Variants in MOB3B observed in about 807,000 individuals in gnomAD.
MOB3B encodes the protein MOB kinase activator 3B.
In MOB3B, 7 loss-of-function variants were observed where a neutral mutation model predicts 18.7. The observed-to-expected ratio is 0.37, with a 90% CI of 0.21 to 0.70. The LOEUF (loss-of-function observed/expected upper bound fraction) is 0.70, where lower values mean the gene tolerates loss of function less well. MOB3B is among the 30% of genes least tolerant of loss of function. MOB3B has a pLI of 0.52. For missense variants in MOB3B, 253 were observed against 281.3 expected (o/e 0.90, Z 0.72); for synonymous variants, 111 against 99.9 (o/e 1.11, Z -0.66).
chr9:27,358,051 G>T (rs1473145084), intron 3 of MOB3B, among the ~76,000 whole-genome samples: 1 of 152,020 alleles, frequency 6.6e-6, no homozygotes, highest in African/African-American at 2.4e-5. Context: ...GAGACAGAGT[G>T]AGACCCTGTC....
chr9:27,484,997 A>AT (rs1411969051), intron 1 of MOB3B, among the ~76,000 whole-genome samples: 1 of 152,100 alleles, frequency 6.6e-6, no homozygotes, highest in East Asian at 1.9e-4. Flanking sequence ...ACCCCGGAAA[A>AT]TTGGCCTTGC....
intron 2 of MOB3B, among the ~76,000 whole-genome samples, chr9:27,433,226 A>G (rs1404097287): frequency 6.6e-6 from 1 of 151,936 alleles, no homozygotes; most frequent in Non-Finnish European, 1.5e-5. Flanking sequence ...GATTTTTTAT[A>G]TATGTATGTT....
intron 2 of MOB3B, among the ~76,000 whole-genome samples, chr9:27,409,964 G>A (rs1405610259): frequency 6.6e-6 from 1 of 152,094 alleles, no homozygotes; most frequent in African/African-American, 2.4e-5. Flanking sequence ...TGTATGCAGA[G>A]TTTCAGTTTG....
chr9:27,381,026 G>C (rs139245322), intron 2 of MOB3B, among the ~76,000 whole-genome samples: 22 of 152,208 alleles, frequency 1.4e-4, no homozygotes, highest in African/African-American at 5.3e-4. Context: ...GAGCTTTGGA[G>C]GAACTTGTTT....
chr9:27,351,210 G>A (rs556456786), intron 3 of MOB3B, among the ~76,000 whole-genome samples: 59 of 152,260 alleles, frequency 3.9e-4, no homozygotes, highest in African/African-American at 1.2e-3. Flanking sequence ...GCCCACAGTG[G>A]GCTTTAATCC....
chr9:27,441,922 G>C (rs1364475408), intron 2 of MOB3B, among the ~76,000 whole-genome samples: 1 of 152,052 alleles, frequency 6.6e-6, no homozygotes, highest in Admixed American at 6.6e-5. Flanking sequence ...ACTCATGTCA[G>C]CCCTGACATG....
chr9:27,429,444 C>T (rs1232409210), intron 2 of MOB3B, among the ~76,000 whole-genome samples: 2 of 152,154 alleles, frequency 1.3e-5, no homozygotes, highest in Admixed American at 6.5e-5. Flanking sequence ...AGAAAGGGGA[C>T]AAAACCATCC....
At chr9:27,497,264 A>G (rs2453561) in intron 1 of MOB3B, among the ~76,000 whole-genome samples, 139,477 of 152,192 alleles carry the variant, frequency 0.92, 64,872 homozygotes, top group East Asian at 1. Context: ...GAAAAAGCAT[A>G]GATTTCCACA....
chr9:27,387,462 G>A (rs1399473368), intron 2 of MOB3B, among the ~76,000 whole-genome samples: 2 of 152,164 alleles, frequency 1.3e-5, no homozygotes, highest in African/African-American at 4.8e-5. Context: ...TCTGTAAAAT[G>A]AGAATCATAA....
chr9:27,481,280 T>C (rs1488122358), intron 1 of MOB3B, among the ~76,000 whole-genome samples: 1 of 152,178 alleles, frequency 6.6e-6, no homozygotes, highest in Non-Finnish European at 1.5e-5. Flanking sequence ...CAGTTAATTA[T>C]AACAAATGTA....
intron 2 of MOB3B, among the ~76,000 whole-genome samples, chr9:27,420,583 ATATATATATATATG>A (rs1822231862): frequency 1.6e-5 from 2 of 121,294 alleles, no homozygotes; most frequent in Admixed American, 8.1e-5. Context: ...ATATATATAT[ATATATATATATATG>A]GAATACTACA....
chr9:27,422,257 A>C (rs907940156), intron 2 of MOB3B, among the ~76,000 whole-genome samples: 2 of 152,194 alleles, frequency 1.3e-5, no homozygotes, highest in Non-Finnish European at 2.9e-5. Flanking sequence ...TTCAGCTTTC[A>C]TTTCCCACTA....
At chr9:27,371,228 T>A (rs1821410942) in intron 2 of MOB3B, among the ~76,000 whole-genome samples, 1 of 152,208 alleles carries the variant, frequency 6.6e-6, no homozygotes, top group Non-Finnish European at 1.5e-5. Context: ...ATGTCATTGA[T>A]CCTCTTTGTA....
rs774061266 is a variant in MOB3B at position 27,359,223 on chromosome 9, T to C, written c.432A>G (p.Pro144=). ...TCTTGCAGATCTGAAGGAAGTTCTTTGGGAAGGGAACACCTAGAGAAGAAA... is the reference window on the plus strand; with the variant it reads ...TCTTGCAGATCTGAAGGAAGTTCTTCGGGAAGGGAACACCTAGAGAAGAAA... The part of the protein sequence containing the change: ...IFPTCVGVPF[P]KNFLQICKKI... Residue 144 remains proline, a synonymous_variant, in exon 3 of 4, where the codon CCA becomes CCG. Coordinates refer to ENST00000262244, the MANE Select transcript of MOB3B (RefSeq NM_024761.5). 6.8e-6 allele frequency: 11 copies of C among 1,613,978 alleles called. No homozygotes were observed. The highest frequency in any genetic ancestry group is 1.6e-4 in the Middle Eastern group (1 of 6,082).
At chr9:27,443,322 C>A (rs1822623594) in intron 2 of MOB3B, among the ~76,000 whole-genome samples, 1 of 152,172 alleles carries the variant, frequency 6.6e-6, no homozygotes, top group South Asian at 2.1e-4. Flanking sequence ...TCAACTCTCC[C>A]AATAGCTCAC....
chr9:27,377,563 C>T (rs1037214735), intron 2 of MOB3B, among the ~76,000 whole-genome samples: 1 of 152,174 alleles, frequency 6.6e-6, no homozygotes, highest in African/African-American at 2.4e-5. Flanking sequence ...ACACAGACTG[C>T]TGAGCTGCAC....
At chr9:27,508,635 G>A (rs956607733) in intron 1 of MOB3B, among the ~76,000 whole-genome samples, 8 of 152,206 alleles carry the variant, frequency 5.3e-5, no homozygotes, top group Admixed American at 3.9e-4. Context: ...AAAAACGAGT[G>A]AGATAAGGTG....
chr9:27,455,505 G>A lies in MOB3B; in HGVS notation c.46C>T (p.Arg16Ter), dbSNP rs991096104. The change falls in exon 2 of 4, where the codon CGA (arginine) becomes TGA (stop). Residue 16 changes from arginine (R) to a stop codon, truncating the protein, a stop_gained. Coordinates refer to ENST00000262244, the MANE Select transcript of MOB3B (RefSeq NM_024761.5). LOFTEE classifies it high-confidence loss of function. ...CCAGGTTCAAATTTCCTCTTGGGTCGGAAGGTCTTGTCCTTGTTGAATACC... is the reference window on the plus strand; with the variant it reads ...CCAGGTTCAAATTTCCTCTTGGGTCAGAAGGTCTTGTCCTTGTTGAATACC... ...KQVFNKDKTFRPKRKFEPGTQ... is the reference protein window; with the variant it reads ...KQVFNKDKTF 21 of 1,614,066 alleles carry A rather than the reference G, an allele frequency of 1.3e-5. No homozygotes were observed. The highest frequency in any genetic ancestry group is 1.6e-4 in the Middle Eastern group (1 of 6,084).
At chr9:27,339,246 A>G (rs1820906743) in intron 3 of MOB3B, among the ~76,000 whole-genome samples, 1 of 152,212 alleles carries the variant, frequency 6.6e-6, no homozygotes, top group Admixed American at 6.5e-5. Flanking sequence ...TTCAGGCATG[A>G]GGCCTAAACA....
Sources: gnomAD v4.1 joint callset for allele counts (sites outside exome capture counted in the v4.1 genomes callset) on GRCh38, gnomAD v4.1.1 for gene constraint, MANE v1.5 for transcripts, NCBI Gene and HGNC (gene_info 2026-07-23, HGNC 2026-07-21) for gene names.